Variants in SLC43A1 observed in about 807,000 individuals in gnomAD.
SLC43A1 encodes solute carrier family 43 member 1, also known as large neutral amino acids transporter small subunit 3.
Under a neutral mutation model 59.5 loss-of-function variants are expected in SLC43A1, and 31 were observed. The observed-to-expected ratio is 0.52, with a 90% CI of 0.39 to 0.70. SLC43A1 has a LOEUF of 0.70. SLC43A1 is among the 30% of genes least tolerant of loss of function. The pLI is 0.00. For synonymous variants in SLC43A1, 259 were observed against 290.9 expected, an observed-to-expected ratio of 0.89 and a Z score of 1.12; for missense variants, 598 against 717.8, an observed-to-expected ratio of 0.83 and a Z score of 1.91.
At chr11:57,489,096 C>CA (rs1227950394) in intron 12 of SLC43A1, 107 bp from the exon 13 acceptor site, 22 of 1,432,538 alleles carry the variant, frequency 1.5e-5, no homozygotes, top group Non-Finnish European at 2.1e-5. Context: ...ACCCCCTCGC[C>CA]AACCCAATCT....
At chr11:57,511,211 C>G (rs1211624349) in intron 2 of SLC43A1, among the ~76,000 whole-genome samples, 1 of 152,022 alleles carries the variant, frequency 6.6e-6, no homozygotes, top group South Asian at 2.1e-4. Context: ...ATCACTTGAG[C>G]CCAGGAGTTC....
intron 13 of SLC43A1, 93 bp downstream of exon 13, chr11:57,488,823 T>C (rs1198986546): frequency 2.9e-6 from 3 of 1,049,038 alleles, no homozygotes; most frequent in Non-Finnish European, 4.5e-6. Context: ...GAGAGGTGCA[T>C]TAGGGGATGC....
At chr11:57,505,239 C>T (rs752789759) in intron 2 of SLC43A1, among the ~76,000 whole-genome samples, 38 of 152,200 alleles carry the variant, frequency 2.5e-4, no homozygotes, top group Non-Finnish European at 5.3e-4. Flanking sequence ...TGGCCAGCCG[C>T]AGTAGCTCGC....
chr11:57,486,355 G>A (rs1338655127), intron 14 of SLC43A1, among the ~76,000 whole-genome samples: 8 of 152,100 alleles, frequency 5.3e-5, no homozygotes, highest in Admixed American at 5.2e-4. Context: ...AATTAGCCAG[G>A]TATGGTAGCC....
In SLC43A1 at chr11:57,509,594, A is replaced by AAAGGAAGGAAGGAAGG. The variant is rs1218558916; in HGVS notation, c.154+4348_154+4363dup. Reference sequence around the variant, plus strand: ...CAGAGCAAGATTCCGTCAGAAGGACAAAGGAAGGAAGGAAGGAAGGAAGGA... The same window carrying AAAGGAAGGAAGGAAGG: ...CAGAGCAAGATTCCGTCAGAAGGACAAAGGAAGGAAGGAAGGAAGGAAGGAAGGAAGGAAGGAAGGA... On this transcript the variant is annotated intron_variant, in intron 2 of 14. Coordinates refer to ENST00000278426, the MANE Select transcript of SLC43A1 (RefSeq NM_003627.6). Among the ~76,000 whole-genome samples, 714 of 78,638 alleles carry AAAGGAAGGAAGGAAGG rather than the reference A, an allele frequency of 9.1e-3. 3 individuals are homozygous for AAAGGAAGGAAGGAAGG. The highest frequency in any genetic ancestry group is 0.019 in the Middle Eastern group (3 of 160). The allele number at this position is 78,638 out of a possible 152,430, so 51.6% of individuals were successfully genotyped here. A position where few individuals can be genotyped will look rare whatever the true frequency, so the allele number is the denominator to read the frequency against.
rs201615562 is a variant in SLC43A1 at position 57,497,740 on chromosome 11, G to A, written c.558+13C>T. The A allele has an allele frequency of 6.2e-7, 1 of 1,607,506 alleles. No individual in the cohort carries two copies. The highest frequency in any genetic ancestry group is 8.5e-7 in the Non-Finnish European group (1 of 1,174,826). ...TGTGTCAAGACAAAAAGAAAACCCA[G>A]GTGGCCTCATACCTTGATTCCTGGG... On this transcript the variant is annotated intron_variant, in intron 6 of 14. Coordinates refer to ENST00000278426, the MANE Select transcript of SLC43A1 (RefSeq NM_003627.6).
At chr11:57,504,600 G>A (rs1390199179) in intron 2 of SLC43A1, among the ~76,000 whole-genome samples, 4 of 152,190 alleles carry the variant, frequency 2.6e-5, no homozygotes, top group African/African-American at 7.2e-5. Flanking sequence ...AAGGGTCCAA[G>A]AAGCAAAGCA....
At chr11:57,491,463 T>C in intron 10 of SLC43A1, 101 bp from the exon 11 acceptor site, 1 of 1,561,952 alleles carries the variant, frequency 6.4e-7, no homozygotes, top group Non-Finnish European at 8.7e-7. Flanking sequence ...AGCCTTCCTC[T>C]GAACCCAGAC....
chr11:57,514,909 T>C lies in SLC43A1; in HGVS notation c.-14+535A>G. ...ACTTTATAAGGGCAGCGGTGGCGGA[T>C]GGGCTGGCGGGCGGGTGTGTTTACC... is the stretch of plus-strand genomic sequence containing the variant. On this transcript the variant is annotated intron_variant, in intron 1 of 14. Transcript: ENST00000278426. The surrounding 1 kb of genome is among the most constrained non-coding windows in gnomAD (Gnocchi z 5.5). 1.0e-6 allele frequency: 1 copy of C among 980,374 alleles called. No individual in the cohort carries two copies. The highest frequency in any genetic ancestry group is 4.7e-5 in the South Asian group (1 of 21,160). The allele number at this position is 980,374 out of a possible 1,614,324, so 60.7% of individuals were successfully genotyped here. A position where few individuals can be genotyped will look rare whatever the true frequency, so the allele number is the denominator to read the frequency against.
intron 2 of SLC43A1, among the ~76,000 whole-genome samples, chr11:57,508,460 C>T (rs1944446511): frequency 6.6e-6 from 1 of 152,214 alleles, no homozygotes; most frequent in African/African-American, 2.4e-5. Context: ...TTCCAAGAAG[C>T]AGAAAACGGA....
Position 57,514,456 on chromosome 11 carries a change from T to G in SLC43A1, c.-13-332A>C. ...GGCTGCTGGGGAGAAAGTCCGCATC[T>G]GCCCAGGTCCCCAGAGGACAGCAAG... On this transcript the variant is annotated intron_variant, in intron 1 of 14. Transcript: ENST00000278426. This position sits in a 1 kb window ranked among gnomAD's most constrained non-coding sequence, Gnocchi z 5.5. 3.5e-6 allele frequency: 1 copy of G among 286,180 alleles called. No individual in the cohort carries two copies. Among genetic ancestry groups the G allele is most frequent in the African/African-American group, 2.2e-5 (1 of 45,058 alleles). 17.7% of individuals were successfully genotyped at this position (286,180 alleles called of 1,614,324 possible).
intron 8 of SLC43A1, among the ~76,000 whole-genome samples, chr11:57,492,510 T>C (rs1457586257): frequency 2.4e-5 from 3 of 124,054 alleles, no homozygotes; most frequent in Admixed American, 9.5e-5. Flanking sequence ...ATATAATATA[T>C]AATAATATAA....
intron 8 of SLC43A1, among the ~76,000 whole-genome samples, chr11:57,492,511 AATAAT>A (rs932809223): frequency 8.7e-5 from 11 of 126,144 alleles, no homozygotes; most frequent in African/African-American, 1.7e-4. Context: ...TATAATATAT[AATAAT>A]ATAATATATA....
intron 2 of SLC43A1, among the ~76,000 whole-genome samples, chr11:57,505,754 A>G (rs1944379978): frequency 6.6e-6 from 1 of 152,170 alleles, no homozygotes; most frequent in Non-Finnish European, 1.5e-5. Flanking sequence ...TCATGAAGGT[A>G]AACTGCAAAT....
At chr11:57,489,586 C>G (rs2135150356) in intron 11 of SLC43A1, among the ~76,000 whole-genome samples, 194 bp from the exon 12 acceptor site, 1 of 152,330 alleles carries the variant, frequency 6.6e-6, no homozygotes, top group Non-Finnish European at 1.5e-5. Flanking sequence ...TGCTCCCCTA[C>G]CCAATGACAC....
At chr11:57,497,285 C>T (rs1008586011) in intron 6 of SLC43A1, among the ~76,000 whole-genome samples, 2 of 152,194 alleles carry the variant, frequency 1.3e-5, no homozygotes, top group African/African-American at 4.8e-5. Context: ...CCCCTGGCTT[C>T]GAGGTACACC....
intron 7 of SLC43A1, 73 bp downstream of exon 7, chr11:57,495,958 G>C: frequency 1.3e-6 from 2 of 1,541,386 alleles, no homozygotes; most frequent in Non-Finnish European, 1.8e-6. Flanking sequence ...TGAATCCAAA[G>C]TTAATTCCGT....
rs1943912540 is a variant in SLC43A1, at chr11:57,491,798, GC to G, written c.935del (p.Gly312AlafsTer2). 1 of 1,614,072 alleles carries G rather than the reference GC, an allele frequency of 6.2e-7. No homozygotes were observed. Among genetic ancestry groups the G allele is most frequent in the African/African-American group, 1.3e-5 (1 of 74,944 alleles). On this transcript the variant is annotated frameshift_variant, in exon 9 of 15. Coordinates refer to ENST00000278426, the MANE Select transcript of SLC43A1 (RefSeq NM_003627.6). LOFTEE classifies it high-confidence loss of function. ...PTFLWSLLTM[G>X]MTQLRIIFYM... is the part of the protein sequence containing the mutation. ...AGAAGATGATCCGCAGCTGGGTCAT[GC>G]CCATGGTGAGGAGGCTCCACAGGAA...
intron 7 of SLC43A1, 124 bp downstream of exon 7, chr11:57,495,907 T>C: frequency 9.1e-7 from 1 of 1,098,720 alleles, no homozygotes; most frequent in South Asian, 1.6e-5. Context: ...CTTGGAGGGC[T>C]CAAGCGATTT....
Sources: gnomAD v4.1 joint callset for allele counts (sites outside exome capture counted in the v4.1 genomes callset) on GRCh38, gnomAD v4.1.1 for gene constraint, Gnocchi (gnomAD v3.1) non-coding constraint, MANE v1.5 for transcripts, NCBI Gene and HGNC (gene_info 2026-07-23, HGNC 2026-07-21) for gene names.